The following LRRC74A variants were observed in gnomAD, a reference collection of about 807,000 sequenced individuals.
The protein encoded by LRRC74A is leucine-rich repeat-containing protein 74A.
LRRC74A carries 44 observed loss-of-function variants against 57.9 expected under a neutral mutation model. The ratio of observed to expected loss-of-function variants is 0.76; its 90% CI spans 0.60 to 0.98. The LOEUF is 0.98. Among genes scored for constraint, LRRC74A ranks in the 50% least tolerant of loss-of-function variants. The pLI is 0.00. For synonymous variants in LRRC74A, 211 were observed against 219.4 expected, an observed-to-expected ratio of 0.96 and a Z score of 0.34; for missense variants, 572 against 574.0, an observed-to-expected ratio of 1.00 and a Z score of 0.04.
chr14:76,829,588 T>C (rs1895830102), intron 2 of LRRC74A, among the ~76,000 whole-genome samples: 1 of 152,198 alleles, frequency 6.6e-6, no homozygotes, highest in African/African-American at 2.4e-5. Flanking sequence ...GCTAACACTG[T>C]CGCAAGCTGC....
intron 13 of LRRC74A, among the ~76,000 whole-genome samples, 160 bp from the exon 14 acceptor site, chr14:76,869,963 CAT>C (rs1489978990): frequency 6.6e-6 from 1 of 152,140 alleles, no homozygotes; most frequent in African/African-American, 2.4e-5. Context: ...CACATGCACA[CAT>C]GTGTAGTGGG....
chr14:76,856,584 C>A (rs72721324), intron 9 of LRRC74A, among the ~76,000 whole-genome samples: 50 of 148,242 alleles, frequency 3.4e-4, no homozygotes, highest in Non-Finnish European at 3.3e-4. Flanking sequence ...TGCTGGCTGG[C>A]TGGATGGATG....
chr14:76,827,542 G>A (rs574523133), intron 1 of LRRC74A, among the ~76,000 whole-genome samples: 4 of 152,296 alleles, frequency 2.6e-5, no homozygotes, highest in Admixed American at 1.3e-4. Context: ...TGGCTTTCAG[G>A]AGCCTATGGC....
intron 7 of LRRC74A, among the ~76,000 whole-genome samples, chr14:76,850,742 C>T (rs919850717): frequency 6.6e-6 from 1 of 151,586 alleles, no homozygotes; most frequent in Non-Finnish European, 1.5e-5. Flanking sequence ...GTGGCAGGCG[C>T]CTATAATCCC....
intron 13 of LRRC74A, among the ~76,000 whole-genome samples, chr14:76,868,293 G>A (rs989416008): frequency 3.9e-5 from 6 of 152,172 alleles, no homozygotes; most frequent in South Asian, 2.1e-4. Context: ...CAAGACCCCC[G>A]TCTCTACTAA....
intron 7 of LRRC74A, among the ~76,000 whole-genome samples, chr14:76,850,474 T>C (rs979892718): frequency 1.3e-5 from 2 of 152,072 alleles, no homozygotes; most frequent in Non-Finnish European, 2.9e-5. Flanking sequence ...AGAAAGTTTG[T>C]TCCCAAAATT....
At chr14:76,864,366 C>A (rs905350734) in intron 11 of LRRC74A, among the ~76,000 whole-genome samples, 1 of 135,090 alleles carries the variant, frequency 7.4e-6, no homozygotes, top group Non-Finnish European at 1.5e-5. Context: ...AAATAGCTAT[C>A]GATACAGTAG....
chr14:76,862,190 C>G (rs774054765), intron 11 of LRRC74A, among the ~76,000 whole-genome samples: 1 of 152,188 alleles, frequency 6.6e-6, no homozygotes, highest in African/African-American at 2.4e-5. Flanking sequence ...GATCAACAAT[C>G]TCATTGGAAA....
At chr14:76,828,741 G>T in intron 2 of LRRC74A, 1 of 478,652 alleles carries the variant, frequency 2.1e-6, no homozygotes, top group East Asian at 6.3e-5. Flanking sequence ...TGCAATCTTT[G>T]CAATAGTCCT....
chr14:76,842,659 GCATT>G (rs57316542), intron 5 of LRRC74A, among the ~76,000 whole-genome samples: 24,966 of 151,340 alleles, frequency 0.16, 2,582 homozygotes, highest in African/African-American at 0.29. Context: ...TCCAGTGAAT[GCATT>G]CATTCATTCA....
chr14:76,827,635 G>A (rs904521187), intron 1 of LRRC74A, among the ~76,000 whole-genome samples: 1 of 152,062 alleles, frequency 6.6e-6, no homozygotes, highest in Non-Finnish European at 1.5e-5. Context: ...TCTGTTCCCA[G>A]CAATGAATAT....
intron 7 of LRRC74A, 130 bp from the exon 8 acceptor site, chr14:76,852,232 AATT>A: frequency 1.6e-6 from 1 of 620,482 alleles, no homozygotes; most frequent in Non-Finnish European, 2.7e-6. Flanking sequence ...TAACTAAAAA[AATT>A]ATTATCTGAG....
intron 11 of LRRC74A, among the ~76,000 whole-genome samples, chr14:76,864,929 T>G (rs1898658822): frequency 2.0e-5 from 3 of 152,218 alleles, no homozygotes; most frequent in African/African-American, 7.2e-5. Flanking sequence ...GTGGGTTCTG[T>G]AAAACAATAG....
intron 5 of LRRC74A, among the ~76,000 whole-genome samples, chr14:76,840,584 C>T (rs1048834092): frequency 1.6e-3 from 206 of 130,016 alleles, no homozygotes; most frequent in African/African-American, 5.2e-3. Flanking sequence ...TTATGTATTT[C>T]TTTTTTTTTT....
At chr14:76,869,474 C>A (rs1899251356) in intron 13 of LRRC74A, among the ~76,000 whole-genome samples, 1 of 128 alleles carries the variant, frequency 7.8e-3, no homozygotes, top group African/African-American at 0.033. Context: ...CTAAACCCGG[C>A]TGGGCGCGGT....
At chr14:76,858,809 G>A (rs1416079471) in intron 10 of LRRC74A, among the ~76,000 whole-genome samples, 1 of 151,952 alleles carries the variant, frequency 6.6e-6, no homozygotes. Flanking sequence ...GGCTGGTCTC[G>A]AACTCCCGAC....
At chr14:76,850,525 G>A (rs1897380543) in intron 7 of LRRC74A, among the ~76,000 whole-genome samples, 1 of 152,080 alleles carries the variant, frequency 6.6e-6, no homozygotes, top group African/African-American at 2.4e-5. Flanking sequence ...TCACACCCAG[G>A]GTTGACACAA....
Position 76,831,277 on chromosome 14 carries a change from G to A in LRRC74A, c.241G>A (p.Val81Ile). 6.2e-7 allele frequency: 1 copy of A among 1,614,066 alleles called. No individual in the cohort carries two copies. Among genetic ancestry groups the A allele is most frequent in the Non-Finnish European group, 8.5e-7 (1 of 1,179,892 alleles). Residue 81 changes from valine (V) to isoleucine (I), a missense_variant, in exon 3 of 14, where the codon GTC (valine) becomes ATC (isoleucine). Transcript: ENST00000689127. ...CTGCAAGCTGATGGGTGTAGTGCCT[G>A]TCTCCTACTTCATTCGGAACATGGA... ...EACKLMGVVP[V>I]SYFIRNMEES...
chr14:76,869,320 C>T (rs1172029897), intron 13 of LRRC74A, among the ~76,000 whole-genome samples: 1 of 152,164 alleles, frequency 6.6e-6, no homozygotes, highest in Non-Finnish European at 1.5e-5. Context: ...GAGCAGGAGC[C>T]CTTGGGGCCA....
Sources: gnomAD v4.1 joint callset for allele counts (sites outside exome capture counted in the v4.1 genomes callset) on GRCh38, gnomAD v4.1.1 for gene constraint, MANE v1.5 for transcripts, NCBI Gene and HGNC (gene_info 2026-07-23, HGNC 2026-07-21) for gene names.